CLEC7A: variants seen among roughly 807,000 people sequenced by gnomAD.
The protein encoded by CLEC7A is C-type lectin domain family 7 member A.
In CLEC7A, 25 loss-of-function variants were observed where a neutral mutation model predicts 26.9. The ratio of observed to expected loss-of-function variants is 0.93; its 90% confidence interval spans 0.68 to 1.30. CLEC7A has a LOEUF of 1.30. Ranked by LOEUF, CLEC7A falls within the 50% of genes most tolerant of loss-of-function variation. The probability of loss-of-function intolerance (pLI) is 0.00; values close to 1 mark genes in which losing one functional copy is unlikely to be tolerated. For synonymous variants in CLEC7A, 100 were observed against 99.5 expected (o/e 1.01, Z -0.03); for missense variants, 275 against 286.7 (o/e 0.96, Z 0.29).
chr12:10,127,272 T>A, intron 2 of CLEC7A: 2 of 1,448,142 alleles, frequency 1.4e-6, no homozygotes, highest in Non-Finnish European at 1.9e-6. Context: ...AAGGTGTTTA[T>A]ATTAAAGATC....
At chr12:10,127,922 A>C (rs1948351431) in intron 1 of CLEC7A, 77 bp from the exon 2 acceptor site, 1 of 1,044,622 alleles carries the variant, frequency 9.6e-7, no homozygotes, top group African/African-American at 1.6e-5. Flanking sequence ...TCTACAGTTC[A>C]TCAAAAATCT....
chr12:10,121,606 A>G (rs1331556899), intron 5 of CLEC7A, among the ~76,000 whole-genome samples: 1 of 152,192 alleles, frequency 6.6e-6, no homozygotes, highest in Non-Finnish European at 1.5e-5. Flanking sequence ...TTTCTAAATA[A>G]CTCCTGGGTC....
chr12:10,124,460 G>A (rs978331576), intron 4 of CLEC7A, among the ~76,000 whole-genome samples: 3 of 152,068 alleles, frequency 2.0e-5, no homozygotes, highest in Admixed American at 6.6e-5. Context: ...TTAGGAACAC[G>A]GGGATCTCTT....
At chr12:10,121,915 G>C (rs1482444671) in intron 5 of CLEC7A, among the ~76,000 whole-genome samples, 1 of 152,188 alleles carries the variant, frequency 6.6e-6, no homozygotes, top group Non-Finnish European at 1.5e-5. Flanking sequence ...GGCTGAGGCA[G>C]GAGAATGGCG....
rs143612827 is a variant in CLEC7A, at chr12:10,122,484, C to CTTTTTTTTTTT, written c.611+750_611+760dup. The stretch of plus-strand genomic sequence containing the variant: ...AGAGGAAAGCACTCTTTCTTTTTTT[C>CTTTTTTTTTTT]TTTTTTTTTTTTTTTTTTTTTGAGT... On this transcript the variant is annotated intron_variant, in intron 5 of 5. Transcript: ENST00000304084. Among the ~76,000 whole-genome samples the CTTTTTTTTTTT allele has an allele frequency of 2.3e-3, 292 of 128,660 alleles. 1 individual carries two copies. Among genetic ancestry groups the CTTTTTTTTTTT allele is most frequent in the South Asian group, 3.3e-3 (13 of 3,882 alleles). 84.4% of individuals were successfully genotyped at this position (128,660 alleles called of 152,430 possible). A position where few individuals can be genotyped will look rare whatever the true frequency, so the allele number is the denominator to read the frequency against.
rs1048153238 is a variant in CLEC7A at position 10,116,967 on chromosome 12, A to G, written c.*1491T>C. Reference sequence around the variant, plus strand: ...ATAAAAATAGCACCAGTGGGAAAGTATGAAAAAAATAAGACAAATCAGCAC... The same window carrying G: ...ATAAAAATAGCACCAGTGGGAAAGTGTGAAAAAAATAAGACAAATCAGCAC... On this transcript the variant is annotated 3_prime_UTR_variant, in exon 6 of 6. Coordinates refer to ENST00000304084, the MANE Select transcript of CLEC7A (RefSeq NM_197947.3). The G allele has an allele frequency of 2.6e-5, 4 of 152,188 alleles. No homozygotes were observed. The highest frequency in any genetic ancestry group is 9.7e-5 in the African/African-American group (4 of 41,446). 9.4% of individuals were successfully genotyped at this position (152,188 alleles called of 1,614,324 possible).
chr12:10,120,482 A>G (rs1169214354), intron 5 of CLEC7A, among the ~76,000 whole-genome samples: 1 of 152,226 alleles, frequency 6.6e-6, no homozygotes, highest in African/African-American at 2.4e-5. Flanking sequence ...TGTAATGTAC[A>G]GTTGGAAAGG....
intron 3 of CLEC7A, chr12:10,126,208 C>T (rs185261702): frequency 1.0e-6 from 1 of 983,922 alleles, no homozygotes; most frequent in East Asian, 1.1e-4. Flanking sequence ...ATTTCCTATT[C>T]TAACTGTATC....
At chr12:10,129,576 G>A (rs79648922) in intron 1 of CLEC7A, among the ~76,000 whole-genome samples, 10 of 151,914 alleles carry the variant, frequency 6.6e-5, no homozygotes, top group Non-Finnish European at 1.0e-4. Context: ...CACATCACGA[G>A]GCTCTCAAAT....
intron 4 of CLEC7A, among the ~76,000 whole-genome samples, chr12:10,124,320 A>T (rs1260932346): frequency 6.6e-6 from 1 of 152,236 alleles, no homozygotes; most frequent in Non-Finnish European, 1.5e-5. Flanking sequence ...TAGTGAAAGT[A>T]GGTGTAGAAG....
chr12:10,121,648 A>G (rs1948089926), intron 5 of CLEC7A, among the ~76,000 whole-genome samples: 1 of 152,234 alleles, frequency 6.6e-6, no homozygotes, highest in South Asian at 2.1e-4. Flanking sequence ...ATCAGAAAGT[A>G]TTTTGAACTG....
chr12:10,122,484 C>CTTTTTT lies in CLEC7A; in HGVS notation c.611+755_611+760dup, dbSNP rs143612827. 9.5e-3 allele frequency among the ~76,000 whole-genome samples: 1,227 copies of CTTTTTT among 128,568 alleles called. 36 individuals are homozygous for CTTTTTT. Among genetic ancestry groups the CTTTTTT allele is most frequent in the African/African-American group, 0.036 (1,140 of 31,702 alleles). 84.3% of individuals were successfully genotyped at this position (128,568 alleles called of 152,430 possible). ...AGAGGAAAGCACTCTTTCTTTTTTT[C>CTTTTTT]TTTTTTTTTTTTTTTTTTTTTGAGT... On this transcript the variant is annotated intron_variant, in intron 5 of 5. Coordinates refer to ENST00000304084, the MANE Select transcript of CLEC7A (RefSeq NM_197947.3).
In CLEC7A at chr12:10,125,400, C is replaced by T. The variant is rs1423424038; in HGVS notation, c.389G>A (p.Ser130Asn). The T allele has an allele frequency of 2.5e-6, 4 of 1,613,382 alleles. No individual in the cohort carries two copies. Among genetic ancestry groups the T allele is most frequent in the Non-Finnish European group, 3.4e-6 (4 of 1,179,836 alleles). Residue 130 changes from serine (S) to asparagine (N), a missense_variant, in exon 4 of 6, where the codon AGC becomes AAC. Coordinates refer to ENST00000304084, the MANE Select transcript of CLEC7A (RefSeq NM_197947.3). Reference protein sequence around the residue: ...CPPNWIIYEKSCYLFSMSLNS... With the variant: ...CPPNWIIYEKNCYLFSMSLNS... ...TAGTGACATGCTGAATAGATAACAG[C>T]TCTTCTCATATATAATCCAATTAGG...
At chr12:10,123,767 C>CAAAAAAA (rs372400404) in intron 4 of CLEC7A, among the ~76,000 whole-genome samples, 12 of 124,678 alleles carry the variant, frequency 9.6e-5, no homozygotes, top group South Asian at 2.5e-4. Context: ...GACTCCGTCT[C>CAAAAAAA]AAAAAAAAAA....
At position 10,118,404 on chromosome 12, in the gene CLEC7A, T is replaced by G. The variant is rs929341578; in HGVS notation, c.*54A>C. On this transcript the variant is annotated 3_prime_UTR_variant, in exon 6 of 6. Transcript: ENST00000304084. ...CAGCTGTTACTCTTTTCTGTTCTGT[T>G]TTCTGTCCTCCTTACTACCTCACAT... 6.5e-7 allele frequency: 1 copy of G among 1,529,652 alleles called. No individual in the cohort carries two copies. The highest frequency in any genetic ancestry group is 1.4e-5 in the African/African-American group (1 of 72,484). The allele number at this position is 1,529,652 out of a possible 1,614,324, so 94.8% of individuals were successfully genotyped here. A position where few individuals can be genotyped will look rare whatever the true frequency, so the allele number is the denominator to read the frequency against.
Position 10,117,561 on chromosome 12 carries a change from A to G in CLEC7A, c.*897T>C, listed in dbSNP as rs1474929835. ...AAAAAAAAAAAAAAAAGATTCTATT[A>G]GAGATATGGCAGATGTACTCTCTGA... On this transcript the variant is annotated 3_prime_UTR_variant, in exon 6 of 6. Transcript: ENST00000304084. The G allele has an allele frequency of 6.7e-6, 1 of 149,538 alleles. No homozygotes were observed. The highest frequency in any genetic ancestry group is 1.5e-5 in the Non-Finnish European group (1 of 67,636). The allele number at this position is 149,538 out of a possible 1,614,324, so 9.3% of individuals were successfully genotyped here.
intron 2 of CLEC7A, chr12:10,127,096 CAT>C: frequency 7.5e-7 from 1 of 1,328,412 alleles, no homozygotes; most frequent in Non-Finnish European, 1.0e-6. Context: ...GTACCTATAA[CAT>C]AGAACGCACT....
At chr12:10,127,391 C>A in intron 2 of CLEC7A, 1 of 1,612,632 alleles carries the variant, frequency 6.2e-7, no homozygotes, top group Non-Finnish European at 8.5e-7. Context: ...TCTTCAGCTC[C>A]GCTTGTTTTC....
At chr12:10,123,834 G>A (rs533525207) in intron 4 of CLEC7A, among the ~76,000 whole-genome samples, 3 of 150,778 alleles carry the variant, frequency 2.0e-5, no homozygotes, top group African/African-American at 7.3e-5. Flanking sequence ...ATTTTTGAAT[G>A]TCATTGAATG....
Sources: allele counts gnomAD v4.1 joint callset (sites outside exome capture counted in the v4.1 genomes callset), GRCh38; gene constraint gnomAD v4.1.1; transcripts MANE v1.5; gene names NCBI Gene and HGNC (gene_info 2026-07-23, HGNC 2026-07-21).